TSPAN7: variants seen among roughly 807,000 people sequenced by gnomAD.
The protein encoded by TSPAN7 is tetraspanin-7.
TSPAN7 carries 1 observed loss-of-function variant against 17.6 expected under a neutral mutation model. The ratio of observed to expected loss-of-function variants is 0.06; its 90% CI spans 0.02 to 0.27. TSPAN7 has a LOEUF of 0.27. Ranked by LOEUF, TSPAN7 falls within the 10% of genes least tolerant of loss-of-function variation. The pLI is 1.00. For missense variants in TSPAN7, 112 were observed against 201.7 expected (o/e 0.56, Z 2.69); for synonymous variants, 78 against 79.0 (o/e 0.99, Z 0.07).
intron 1 of TSPAN7, among the ~76,000 whole-genome samples, chrX:38,639,828 T>C (rs1228586892): frequency 1.8e-5 from 2 of 110,309 alleles, no homozygotes; most frequent in African/African-American, 3.3e-5. Flanking sequence ...CCTAAAGGGA[T>C]GAGAGTATTT....
intron 1 of TSPAN7, among the ~76,000 whole-genome samples, chrX:38,578,897 T>G (rs182985147): frequency 9.0e-6 from 1 of 111,425 alleles, no homozygotes; most frequent in Non-Finnish European, 1.9e-5. Flanking sequence ...ATGTATTATG[T>G]ACATATATGT....
At chrX:38,575,059 GC>G (rs1451019035) in intron 1 of TSPAN7, among the ~76,000 whole-genome samples, 4 of 111,384 alleles carry the variant, frequency 3.6e-5, no homozygotes, top group Non-Finnish European at 7.5e-5. Flanking sequence ...GTTATGAACT[GC>G]CCTGTAGAGA....
At chrX:38,586,196 A>C (rs1269234097) in intron 1 of TSPAN7, among the ~76,000 whole-genome samples, 1 of 112,314 alleles carries the variant, frequency 8.9e-6, no homozygotes, top group Non-Finnish European at 1.9e-5. Flanking sequence ...TCAGTGGCTC[A>C]GAGACCTGGC....
chrX:38,566,375 A>G (rs1406611610), intron 1 of TSPAN7: 270 of 934,236 alleles, frequency 2.9e-4, no homozygotes, highest in Non-Finnish European at 3.6e-4. Context: ...CCTGTGCTTT[A>G]AAGACTAGCA....
At chrX:38,597,266 A>G (rs780264563) in intron 1 of TSPAN7, among the ~76,000 whole-genome samples, 39 of 111,616 alleles carry the variant, frequency 3.5e-4, no homozygotes, top group African/African-American at 1.2e-3. Context: ...TTAAAGTCAA[A>G]CAAGGCAATG....
intron 1 of TSPAN7, among the ~76,000 whole-genome samples, chrX:38,648,564 C>T (rs1377000673): frequency 3.6e-5 from 4 of 112,174 alleles, no homozygotes; most frequent in South Asian, 3.8e-4. Context: ...ATTCTCCTGC[C>T]TCACCCTTGG....
chrX:38,607,232 T>C (rs1233835174), intron 1 of TSPAN7, among the ~76,000 whole-genome samples: 1 of 111,728 alleles, frequency 9.0e-6, no homozygotes, highest in African/African-American at 3.2e-5. Flanking sequence ...ACTGGGCTGC[T>C]CTGTAATGGT....
chrX:38,648,791 A>C (rs2069659758), intron 1 of TSPAN7, among the ~76,000 whole-genome samples: 1 of 109,697 alleles, frequency 9.1e-6, no homozygotes, highest in African/African-American at 3.3e-5. Context: ...ATGGTGGCAT[A>C]AGCCTGTAAT....
At chrX:38,597,403 C>G (rs934877406) in intron 1 of TSPAN7, among the ~76,000 whole-genome samples, 2 of 110,893 alleles carry the variant, frequency 1.8e-5, no homozygotes, top group African/African-American at 6.6e-5. Flanking sequence ...TGGTCTTTAA[C>G]TATAGTGCTG....
At chrX:38,625,233 C>T (rs908250671) in intron 1 of TSPAN7, among the ~76,000 whole-genome samples, 1 of 110,893 alleles carries the variant, frequency 9.0e-6, no homozygotes. Context: ...CACCACCCAC[C>T]GAGTAATTGC....
Position 38,671,414 on chromosome X carries a change from C to G in TSPAN7, c.309C>G (p.Leu103=). The G allele has an allele frequency of 8.3e-7, 1 of 1,211,023 alleles. No homozygotes were observed. The highest frequency in any genetic ancestry group is 1.1e-6 in the Non-Finnish European group (1 of 895,230). Residue 103 remains leucine, a synonymous_variant, in exon 3 of 8, where the codon CTC becomes CTG. Coordinates refer to ENST00000378482, the MANE Select transcript of TSPAN7 (RefSeq NM_004615.4). ...MFLSLVFLAE[L]VAGISGFVFR... The stretch of plus-strand genomic sequence containing the variant: ...TGTCCCTGGTGTTCCTGGCTGAGCT[C>G]GTAGCTGGCATTTCAGGGTTTGTGT...
intron 1 of TSPAN7, among the ~76,000 whole-genome samples, chrX:38,571,408 A>G (rs921114313): frequency 1.4e-4 from 16 of 111,689 alleles, no homozygotes; most frequent in Non-Finnish European, 1.5e-4. Flanking sequence ...TCAGCTGTGC[A>G]ATTAGGATTG....
chrX:38,650,971 T>G (rs996637914), intron 1 of TSPAN7, among the ~76,000 whole-genome samples: 1 of 109,978 alleles, frequency 9.1e-6, no homozygotes, highest in East Asian at 2.8e-4. Flanking sequence ...AAAAATGCCC[T>G]GTTAATGTGT....
At position 38,592,148 on chromosome X, in the gene TSPAN7, G is replaced by A. The variant is rs374156430; in HGVS notation, c.81+30521G>A. On this transcript the variant is annotated intron_variant, in intron 1 of 7. Transcript: ENST00000378482. ...CATGAGAACAGCAAGGGGGAAATCC[G>A]CCTTATGATCCAGTCACCCCCTGTC... Among the ~76,000 whole-genome samples, 26 of 111,361 alleles carry A rather than the reference G, an allele frequency of 2.3e-4. No individual in the cohort carries two copies. In the East Asian group the frequency reaches 6.8e-3, roughly 29 times the overall value.
At chrX:38,603,581 A>C (rs949935989) in intron 1 of TSPAN7, among the ~76,000 whole-genome samples, 22 of 111,826 alleles carry the variant, frequency 2.0e-4, no homozygotes, top group Non-Finnish European at 3.0e-4. Flanking sequence ...TTTGGAAATT[A>C]AAAGGGATGA....
rs763503232 is a variant in TSPAN7 at position 38,605,860 on chromosome X, G to T, written c.81+44233G>T. On this transcript the variant is annotated intron_variant, in intron 1 of 7. Coordinates refer to ENST00000378482, the MANE Select transcript of TSPAN7 (RefSeq NM_004615.4). ...TGCTGGGAAAACTGGCTAGCCATAT[G>T]TAGAAAGCTGAAACTGGATCCCTTC... is the stretch of plus-strand genomic sequence containing the variant. Among the ~76,000 whole-genome samples, 562 of 102,772 alleles carry T rather than the reference G, an allele frequency of 5.5e-3. 3 individuals are homozygous for T. Among genetic ancestry groups the T allele is most frequent in the Admixed American group, 9.9e-3 (94 of 9,469 alleles). The allele number at this position is 102,772 out of a possible 115,157, so 89.2% of individuals were successfully genotyped here. A position where few individuals can be genotyped will look rare whatever the true frequency, so the allele number is the denominator to read the frequency against.
At chrX:38,562,872 C>A in intron 1 of TSPAN7, 2 of 610,691 alleles carry the variant, frequency 3.3e-6, no homozygotes, top group Non-Finnish European at 4.3e-6. Flanking sequence ...AAATCTGAGG[C>A]TCTGTAGGAA....
chrX:38,643,139 T>G (rs963143971), intron 1 of TSPAN7, among the ~76,000 whole-genome samples: 2 of 110,830 alleles, frequency 1.8e-5, no homozygotes, highest in Non-Finnish European at 3.8e-5. Context: ...TGGGTATTGT[T>G]GCAGCGTCAG....
chrX:38,562,131 C>G (rs896176524), intron 1 of TSPAN7, among the ~76,000 whole-genome samples: 11 of 111,540 alleles, frequency 9.9e-5, no homozygotes, highest in African/African-American at 3.6e-4. Flanking sequence ...GAGGGAGGCA[C>G]CAGAAGCACC....
Sources: allele counts gnomAD v4.1 joint callset (sites outside exome capture counted in the v4.1 genomes callset), GRCh38; gene constraint gnomAD v4.1.1; transcripts MANE v1.5; gene names NCBI Gene and HGNC (gene_info 2026-07-23, HGNC 2026-07-21).